Variants in FHIP1A observed in about 807,000 individuals in gnomAD.
FHIP1A encodes the protein FHF complex subunit HOOK interacting protein 1A.
Under a neutral mutation model 88.6 loss-of-function variants are expected in FHIP1A, and 61 were observed. The observed-to-expected ratio is 0.69, with a 90% CI of 0.56 to 0.85. The LOEUF (loss-of-function observed/expected upper bound fraction) is 0.85, where lower values mean the gene tolerates loss of function less well. Ranked by LOEUF, FHIP1A falls within the 40% of genes least tolerant of loss-of-function variation. The pLI is 0.00. For synonymous variants in FHIP1A, 478 were observed against 496.0 expected (o/e 0.96, Z 0.48); for missense variants, 1,154 against 1,273.5 (o/e 0.91, Z 1.43).
intron 3 of FHIP1A, among the ~76,000 whole-genome samples, chr4:151,519,093 A>G (rs1159508295): frequency 1.3e-5 from 2 of 152,214 alleles, no homozygotes; most frequent in Admixed American, 6.5e-5. Flanking sequence ...CAAAATTTGT[A>G]CTCAAATGAA....
At chr4:151,593,715 A>G (rs905096176) in intron 7 of FHIP1A, among the ~76,000 whole-genome samples, 1 of 152,318 alleles carries the variant, frequency 6.6e-6, no homozygotes, top group Non-Finnish European at 1.5e-5. Flanking sequence ...AACAGAGACA[A>G]TTTGACTTCC....
At chr4:151,577,356 C>A in intron 4 of FHIP1A, 94 bp from the exon 5 acceptor site, 2 of 1,239,850 alleles carry the variant, frequency 1.6e-6, no homozygotes, top group Non-Finnish European at 2.2e-6. Flanking sequence ...GTGGCTCCTG[C>A]ATTTTTGGTG....
intron 2 of FHIP1A, among the ~76,000 whole-genome samples, chr4:151,473,540 A>G (rs1246386881): frequency 1.3e-5 from 2 of 152,244 alleles, no homozygotes; most frequent in Admixed American, 1.3e-4. Flanking sequence ...ATCTTGCAAC[A>G]TTTTTGTCTA....
At chr4:151,634,200 AAACTT>A in intron 8 of FHIP1A, among the ~76,000 whole-genome samples, 1 of 152,008 alleles carries the variant, frequency 6.6e-6, no homozygotes, top group East Asian at 1.9e-4. Context: ...ACTTAGGAAT[AAACTT>A]AACTGAGGAG....
chr4:151,662,455 A>C, intron 13 of FHIP1A, 46 bp from the exon 14 acceptor site: 2 of 1,466,404 alleles, frequency 1.4e-6, no homozygotes, highest in Non-Finnish European at 1.8e-6. Flanking sequence ...AGGGTGGATT[A>C]GAAGGCTATG....
intron 3 of FHIP1A, among the ~76,000 whole-genome samples, chr4:151,516,163 T>G (rs1267373186): frequency 6.6e-6 from 1 of 152,220 alleles, no homozygotes. Flanking sequence ...TACAACTGTT[T>G]GATCTTTGAC....
At chr4:151,429,346 A>G (rs991564832) in intron 1 of FHIP1A, among the ~76,000 whole-genome samples, 2 of 152,236 alleles carry the variant, frequency 1.3e-5, no homozygotes, top group African/African-American at 4.8e-5. Context: ...GGAATTAGAT[A>G]TGGCCATCAT....
rs1177316387 is a variant in FHIP1A at position 151,668,421 on chromosome 4, C to T, written c.*5667C>T. Among the ~76,000 whole-genome samples the T allele has an allele frequency of 6.6e-6, 1 of 152,160 alleles. No individual in the cohort carries two copies. Among genetic ancestry groups the T allele is most frequent in the African/African-American group, 2.4e-5 (1 of 41,426 alleles). ...GTACTTTCCGAAACTTCGAGGCCAT[C>T]TTAGTAATTATTTTAGCAATAATTA... On this transcript the variant is annotated 3_prime_UTR_variant, in exon 14 of 14. Coordinates refer to ENST00000435205, the MANE Select transcript of FHIP1A (RefSeq NM_001109977.3).
In FHIP1A at chr4:151,598,078, TA is replaced by T. The variant is rs1367188458; in HGVS notation, c.978+9162del. Among the ~76,000 whole-genome samples the T allele has an allele frequency of 6.1e-5, 9 of 148,270 alleles. 1 individual carries two copies. The South Asian group carries it at 8.6e-4, about 14-fold the overall frequency. On this transcript the variant is annotated intron_variant, in intron 7 of 13. Coordinates refer to ENST00000435205, the MANE Select transcript of FHIP1A (RefSeq NM_001109977.3). ...GGCCTTCCAGGCGCCACTGGGGTAT[TA>T]AAAAAAAAACAGCTCTTGCAGCTAG...
At chr4:151,590,553 G>A (rs953862385) in intron 7 of FHIP1A, among the ~76,000 whole-genome samples, 2 of 152,266 alleles carry the variant, frequency 1.3e-5, no homozygotes, top group Non-Finnish European at 2.9e-5. Flanking sequence ...CTCCACAGTG[G>A]TATGCGTGCT....
chr4:151,613,938 G>A (rs1735418165), intron 7 of FHIP1A, among the ~76,000 whole-genome samples: 1 of 152,112 alleles, frequency 6.6e-6, no homozygotes, highest in African/African-American at 2.4e-5. Context: ...TGAGGTGGGT[G>A]GATCACCTGA....
At chr4:151,540,018 T>C (rs371704444) in intron 3 of FHIP1A, among the ~76,000 whole-genome samples, 1 of 152,214 alleles carries the variant, frequency 6.6e-6, no homozygotes, top group South Asian at 2.1e-4. Flanking sequence ...GTAACCTAAA[T>C]GGGAAGTTAG....
intron 3 of FHIP1A, among the ~76,000 whole-genome samples, chr4:151,505,784 C>CT (rs1252296495): frequency 6.6e-6 from 1 of 152,084 alleles, no homozygotes; most frequent in Non-Finnish European, 1.5e-5. Flanking sequence ...CAAGACCAGC[C>CT]TTGGCAACAT....
intron 7 of FHIP1A, among the ~76,000 whole-genome samples, chr4:151,624,835 C>T (rs745461745): frequency 2.0e-5 from 3 of 152,122 alleles, no homozygotes; most frequent in East Asian, 3.9e-4. Context: ...GGGAGGGAGC[C>T]GGAATCATCA....
rs558006313 is a variant in FHIP1A, at chr4:151,667,395, C to A, written c.*4641C>A. 13 of 152,200 alleles carry A rather than the reference C, an allele frequency of 8.5e-5. No individual in the cohort carries two copies. The highest frequency in any genetic ancestry group is 3.1e-4 in the African/African-American group (13 of 41,450). The allele number at this position is 152,200 out of a possible 1,614,324, so 9.4% of individuals were successfully genotyped here. A position where few individuals can be genotyped will look rare whatever the true frequency, so the allele number is the denominator to read the frequency against. On this transcript the variant is annotated 3_prime_UTR_variant, in exon 14 of 14. Transcript: ENST00000435205. ...GAGAATGCAGTTGACTCTTTCCCCC[C>A]CTTCTTTTTGAATGAACCTCGTAAA...
chr4:151,653,108 A>G (rs1373427677), intron 11 of FHIP1A, among the ~76,000 whole-genome samples: 1 of 152,190 alleles, frequency 6.6e-6, no homozygotes, highest in Non-Finnish European at 1.5e-5. Context: ...GTTTCTAGGA[A>G]TGTCCTCAGA....
In FHIP1A at chr4:151,664,451, C is replaced by G. The variant is rs1234830658; in HGVS notation, c.*1697C>G. Among the ~76,000 whole-genome samples, 1 of 152,196 alleles carries G rather than the reference C, an allele frequency of 6.6e-6. No individual in the cohort carries two copies. The highest frequency in any genetic ancestry group is 1.5e-5 in the Non-Finnish European group (1 of 68,024). On this transcript the variant is annotated 3_prime_UTR_variant, in exon 14 of 14. Transcript: ENST00000435205. ...GGCAGGGTGAGCTGTTAGGAGCCAG[C>G]CTTGCTTTCGTGTTTCATAGTCCAA...
chr4:151,661,408 G>GTTTT (rs5862966), intron 13 of FHIP1A, among the ~76,000 whole-genome samples: 9 of 128,592 alleles, frequency 7.0e-5, no homozygotes, highest in African/African-American at 1.7e-4. Flanking sequence ...AGTGGAAGTT[G>GTTTT]TTTTTTTTTT....
intron 9 of FHIP1A, among the ~76,000 whole-genome samples, chr4:151,640,387 T>C (rs74803136): frequency 6.6e-6 from 1 of 152,130 alleles, no homozygotes; most frequent in East Asian, 1.9e-4. Context: ...CAGTAGCTAA[T>C]CTTAAGGATT....
Sources: gnomAD v4.1 joint callset for allele counts (sites outside exome capture counted in the v4.1 genomes callset) on GRCh38, gnomAD v4.1.1 for gene constraint, MANE v1.5 for transcripts, NCBI Gene and HGNC (gene_info 2026-07-23, HGNC 2026-07-21) for gene names.